Variants in CSTPP1 observed in about 807,000 individuals in gnomAD.
CSTPP1 encodes centriolar satellite-associated tubulin polyglutamylase complex regulator 1.
chr11:47,041,803 A>T, the CSTPP1 span: 1 of 484,864 alleles, frequency 2.1e-6, no homozygotes, highest in South Asian at 1.8e-5. Flanking sequence ...GATGATCAGA[A>T]TACTTTCATG....
the CSTPP1 span, among the ~76,000 whole-genome samples, chr11:46,939,815 C>T: frequency 6.6e-6 from 1 of 152,064 alleles, no homozygotes; most frequent in Non-Finnish European, 1.5e-5. Flanking sequence ...AAGGAGTATA[C>T]AGTGCATACT....
chr11:47,155,143 T>G, the CSTPP1 span: 11 of 1,304,540 alleles, frequency 8.4e-6, no homozygotes, highest in East Asian at 3.3e-5. Flanking sequence ...CTCTCCCCCA[T>G]TCTCTCTCTC....
At chr11:46,960,318 G>A in the CSTPP1 span, among the ~76,000 whole-genome samples, 1 of 151,948 alleles carries the variant, frequency 6.6e-6, no homozygotes, top group Non-Finnish European at 1.5e-5. Context: ...GCATTTTTTA[G>A]TGTACTCACA....
chr11:47,112,402 G>T, the CSTPP1 span, among the ~76,000 whole-genome samples: 2 of 151,962 alleles, frequency 1.3e-5, no homozygotes, highest in Admixed American at 1.3e-4. Context: ...GCTCACTGCA[G>T]CCTCTGCCTC....
At chr11:46,993,728 T>G in the CSTPP1 span, among the ~76,000 whole-genome samples, 11 of 152,204 alleles carry the variant, frequency 7.2e-5, no homozygotes, top group African/African-American at 2.4e-4. Flanking sequence ...CCAGCTTTGT[T>G]CTTTTGGCTT....
At chr11:47,072,965 A>T in the CSTPP1 span, among the ~76,000 whole-genome samples, 1 of 152,166 alleles carries the variant, frequency 6.6e-6, no homozygotes, top group African/African-American at 2.4e-5. Context: ...ATATAAAATT[A>T]TGTATCTTTA....
At chr11:47,075,249 G>T in the CSTPP1 span, among the ~76,000 whole-genome samples, 1 of 149,544 alleles carries the variant, frequency 6.7e-6, no homozygotes, top group African/African-American at 2.5e-5. Context: ...GCAGATGTCT[G>T]TAGTCCCAGC....
the CSTPP1 span, among the ~76,000 whole-genome samples, chr11:46,981,026 C>A: frequency 6.6e-6 from 1 of 152,146 alleles, no homozygotes; most frequent in South Asian, 2.1e-4. Context: ...ATGAAGATAT[C>A]CTGTGCATCC....
the CSTPP1 span, among the ~76,000 whole-genome samples, chr11:47,091,771 G>A: frequency 6.6e-6 from 1 of 152,160 alleles, no homozygotes; most frequent in African/African-American, 2.4e-5. Context: ...ACAAGAAGTG[G>A]GTGTGTTTGG....
the CSTPP1 span, among the ~76,000 whole-genome samples, chr11:46,940,935 T>C: frequency 2.6e-5 from 4 of 152,216 alleles, no homozygotes; most frequent in African/African-American, 9.6e-5. Context: ...TTTGGTGTAT[T>C]GGTGCCTTGG....
the CSTPP1 span, among the ~76,000 whole-genome samples, chr11:47,133,493 G>T: frequency 6.6e-6 from 1 of 152,208 alleles, no homozygotes; most frequent in Non-Finnish European, 1.5e-5. Context: ...GCAGGTGGGT[G>T]GGGATGAGAG....
chr11:46,942,442 G>T, the CSTPP1 span, among the ~76,000 whole-genome samples: 3 of 152,314 alleles, frequency 2.0e-5, no homozygotes, highest in African/African-American at 4.8e-5. Context: ...GCATGAGGGC[G>T]TGAGGTTTAT....
the CSTPP1 span, among the ~76,000 whole-genome samples, chr11:47,020,415 C>G: frequency 6.6e-6 from 1 of 152,030 alleles, no homozygotes; most frequent in Non-Finnish European, 1.5e-5. Flanking sequence ...AATATTTAAA[C>G]CCTTTAATTT....
the CSTPP1 span, among the ~76,000 whole-genome samples, chr11:47,149,834 C>G: frequency 1.3e-5 from 2 of 152,082 alleles, no homozygotes; most frequent in Non-Finnish European, 2.9e-5. Context: ...TGGGACAACA[C>G]TGTCAGAGCT....
At chr11:47,050,863 C>T in the CSTPP1 span, among the ~76,000 whole-genome samples, 1 of 152,204 alleles carries the variant, frequency 6.6e-6, no homozygotes, top group African/African-American at 2.4e-5. Context: ...GTGATGTCCG[C>T]ATACTTCCTC....
chr11:46,982,369 AATATC>A, the CSTPP1 span, among the ~76,000 whole-genome samples: 1 of 152,092 alleles, frequency 6.6e-6, no homozygotes, highest in African/African-American at 2.4e-5. Context: ...TGCATCTGTT[AATATC>A]ATATATAGCA....
chr11:46,951,903 C>T, the CSTPP1 span, among the ~76,000 whole-genome samples: 2 of 152,186 alleles, frequency 1.3e-5, no homozygotes, highest in Non-Finnish European at 2.9e-5. Context: ...CCTGCTCCCA[C>T]ACCAGTACTT....
chr11:47,044,985 A>G, the CSTPP1 span, among the ~76,000 whole-genome samples: 7 of 152,216 alleles, frequency 4.6e-5, no homozygotes, highest in African/African-American at 1.7e-4. Context: ...TGAGCAAGAT[A>G]AATAAAAATA....
chr11:46,955,938 G>A, the CSTPP1 span, among the ~76,000 whole-genome samples: 8 of 149,852 alleles, frequency 5.3e-5, no homozygotes, highest in Non-Finnish European at 3.0e-5. Context: ...GCAGTGAGCC[G>A]ATCATGCCAC....
Sources: gnomAD v4.1 joint callset for allele counts (sites outside exome capture counted in the v4.1 genomes callset) on GRCh38, gnomAD v4.1.1 for gene constraint, MANE v1.5 for transcripts, NCBI Gene and HGNC (gene_info 2026-07-23, HGNC 2026-07-21) for gene names.